Variants in PACRG observed in about 807,000 individuals in gnomAD.
PACRG encodes the protein parkin coregulated gene protein.
In PACRG, 29 loss-of-function variants were observed where a neutral mutation model predicts 29.7. That is an observed-to-expected ratio of 0.98 (90% CI 0.73 to 1.33). The LOEUF is 1.33. Among genes scored for constraint, PACRG ranks in the 40% most tolerant of loss-of-function variants. The probability of loss-of-function intolerance (pLI) is 0.00; values close to 1 mark genes in which losing one functional copy is unlikely to be tolerated. For missense variants in PACRG, 279 were observed against 316.2 expected, an observed-to-expected ratio of 0.88 and a Z score of 0.89; for synonymous variants, 116 against 118.7, an observed-to-expected ratio of 0.98 and a Z score of 0.15.
intron 4 of PACRG, among the ~76,000 whole-genome samples, chr6:163,138,449 C>T (rs1169397509): frequency 6.6e-6 from 1 of 152,140 alleles, no homozygotes; most frequent in African/African-American, 2.4e-5. Context: ...GGACCAGTTT[C>T]ATGGAGGACA....
intron 4 of PACRG, among the ~76,000 whole-genome samples, chr6:163,116,104 GTAATT>G (rs1408100927): frequency 2.6e-5 from 4 of 152,186 alleles, no homozygotes; most frequent in African/African-American, 9.7e-5. Context: ...CTGAGACTGT[GTAATT>G]TATAAAGAAA....
chr6:163,070,356 A>T (rs1013172817), intron 3 of PACRG, among the ~76,000 whole-genome samples: 13 of 152,144 alleles, frequency 8.5e-5, no homozygotes, highest in African/African-American at 2.4e-4. Context: ...ACTTTTCAAG[A>T]CATAGACAGT....
rs1047477110 is a variant in PACRG, at chr6:162,777,101, A to G, written c.157-37046A>G. Among the ~76,000 whole-genome samples, 2 of 152,218 alleles carry G rather than the reference A, an allele frequency of 1.3e-5. No homozygotes were observed. The highest frequency in any genetic ancestry group is 2.9e-5 in the Non-Finnish European group (2 of 68,040). ...TTGAAATAAAAAATAAAGTTGAAAAATAGCTAGCATTAAATCAACCAACTA... is the reference window on the plus strand; with the variant it reads ...TTGAAATAAAAAATAAAGTTGAAAAGTAGCTAGCATTAAATCAACCAACTA... On this transcript the variant is annotated intron_variant, in intron 1 of 4. Transcript: ENST00000366888. The surrounding 1 kb of genome is among the most constrained non-coding windows in gnomAD (Gnocchi z 4.0).
At chr6:162,816,741 TGG>T (rs1356945055) in intron 2 of PACRG, among the ~76,000 whole-genome samples, 1 of 152,180 alleles carries the variant, frequency 6.6e-6, no homozygotes, top group Non-Finnish European at 1.5e-5. Context: ...AAGGACAATC[TGG>T]TGCTAAGTAG....
intron 2 of PACRG, among the ~76,000 whole-genome samples, chr6:162,922,065 C>G (rs1297064048): frequency 1.3e-5 from 2 of 151,974 alleles, no homozygotes; most frequent in Non-Finnish European, 2.9e-5. Context: ...AGTCCCCACT[C>G]CAGGCTTGTG....
intron 2 of PACRG, among the ~76,000 whole-genome samples, chr6:162,989,722 C>CTTTTTTTTTTT (rs66497763): frequency 4.9e-5 from 7 of 142,056 alleles, no homozygotes; most frequent in South Asian, 2.2e-4. Context: ...TCAGTACTTC[C>CTTTTTTTTTTT]TTTTTTTTTT....
At chr6:162,874,625 A>G (rs912410962) in intron 2 of PACRG, among the ~76,000 whole-genome samples, 8 of 152,180 alleles carry the variant, frequency 5.3e-5, no homozygotes, top group African/African-American at 1.9e-4. Context: ...ACACCCCCCA[A>G]TGTGGCGATT....
chr6:163,022,322 G>A (rs917536817), intron 2 of PACRG, among the ~76,000 whole-genome samples: 15 of 152,354 alleles, frequency 9.8e-5, no homozygotes, highest in South Asian at 4.1e-4. Flanking sequence ...AATAATTGCC[G>A]TGTAGGAAGA....
intron 4 of PACRG, among the ~76,000 whole-genome samples, chr6:163,126,706 T>C (rs781673049): frequency 1.3e-5 from 2 of 152,206 alleles, no homozygotes; most frequent in African/African-American, 4.8e-5. Context: ...AGTGAATATA[T>C]TTAGATTTTT....
At chr6:163,127,657 A>T (rs750554411) in intron 4 of PACRG, among the ~76,000 whole-genome samples, 1 of 152,244 alleles carries the variant, frequency 6.6e-6, no homozygotes, top group Non-Finnish European at 1.5e-5. Flanking sequence ...AAAATGCTTG[A>T]CATAGAAAAG....
intron 1 of PACRG, among the ~76,000 whole-genome samples, chr6:162,731,087 A>G (rs1278455293): frequency 6.6e-6 from 1 of 152,176 alleles, no homozygotes; most frequent in Non-Finnish European, 1.5e-5. Flanking sequence ...AAGACTATAG[A>G]TGCTTTATGC....
At chr6:163,074,539 T>G (rs1812366426) in intron 3 of PACRG, among the ~76,000 whole-genome samples, 1 of 152,154 alleles carries the variant, frequency 6.6e-6, no homozygotes. Context: ...CATTCATTTT[T>G]AAATAACTAA....
intron 4 of PACRG, among the ~76,000 whole-genome samples, chr6:163,245,347 T>G (rs1782652865): frequency 6.6e-6 from 1 of 152,216 alleles, no homozygotes; most frequent in Non-Finnish European, 1.5e-5. Context: ...TGAATTATAA[T>G]TATAGCCTAA....
intron 2 of PACRG, among the ~76,000 whole-genome samples, chr6:163,037,249 G>A (rs988028666): frequency 2.6e-5 from 4 of 152,178 alleles, no homozygotes; most frequent in Non-Finnish European, 5.9e-5. Context: ...TCTCTCCCCA[G>A]TTGACATCAC....
intron 4 of PACRG, among the ~76,000 whole-genome samples, chr6:163,133,695 G>T (rs1816823594): frequency 6.6e-6 from 1 of 152,234 alleles, no homozygotes; most frequent in Admixed American, 6.5e-5. Context: ...AAATGGAAAT[G>T]TGGAGCTCTT....
chr6:162,998,312 A>G (rs1233037483), intron 2 of PACRG, among the ~76,000 whole-genome samples: 1 of 152,194 alleles, frequency 6.6e-6, no homozygotes, highest in South Asian at 2.1e-4. Flanking sequence ...TCCAGTCCTC[A>G]TGCCGTATGC....
At chr6:163,297,209 C>G (rs1337181669) in intron 4 of PACRG, among the ~76,000 whole-genome samples, 1 of 152,138 alleles carries the variant, frequency 6.6e-6, no homozygotes, top group African/African-American at 2.4e-5. Flanking sequence ...AGAGGGTGAA[C>G]AAAATCACCA....
chr6:163,148,373 A>G (rs964430591), intron 4 of PACRG, among the ~76,000 whole-genome samples: 1 of 152,188 alleles, frequency 6.6e-6, no homozygotes. Context: ...AAGGGATCCA[A>G]TGCAAACTTT....
At chr6:162,928,953 C>CT (rs1164940717) in intron 2 of PACRG, among the ~76,000 whole-genome samples, 1 of 151,924 alleles carries the variant, frequency 6.6e-6, no homozygotes, top group African/African-American at 2.4e-5. Context: ...GGATTTCATC[C>CT]TTTTTTATGC....
Sources: allele counts gnomAD v4.1 joint callset (sites outside exome capture counted in the v4.1 genomes callset), GRCh38; gene constraint gnomAD v4.1.1; non-coding constraint Gnocchi (gnomAD v3.1); transcripts MANE v1.5; gene names NCBI Gene and HGNC (gene_info 2026-07-23, HGNC 2026-07-21).